GPC6: variants seen among roughly 807,000 people sequenced by gnomAD.
GPC6 encodes glypican-6.
A neutral mutation model predicts 55.2 loss-of-function variants in GPC6; 14 were observed. The ratio of observed to expected loss-of-function variants is 0.25; its 90% CI spans 0.17 to 0.40. The LOEUF (loss-of-function observed/expected upper bound fraction) is 0.40. Ranked by LOEUF, GPC6 falls within the 10% of genes least tolerant of loss-of-function variation. The pLI is 1.00. For synonymous variants in GPC6, 278 were observed against 259.6 expected (o/e 1.07, Z -0.68); for missense variants, 641 against 708.5 (o/e 0.90, Z 1.08).
intron 4 of GPC6, among the ~76,000 whole-genome samples, chr13:94,220,821 C>A (rs1338913750): frequency 6.6e-6 from 1 of 151,998 alleles, no homozygotes; most frequent in African/African-American, 2.4e-5. Flanking sequence ...AATTGGGGGC[C>A]CATAATACCC....
At chr13:93,490,489 A>ATTTTTTTTTTTTTTTT (rs1267006354) in intron 1 of GPC6, among the ~76,000 whole-genome samples, 1 of 13,200 alleles carries the variant, frequency 7.6e-5, no homozygotes, top group Non-Finnish European at 1.6e-4. Flanking sequence ...AACTTGAGTG[A>ATTTTTTTTTTTTTTTT]TTTTTTTTTC....
chr13:94,402,777 G>A (rs998948008), intron 8 of GPC6, among the ~76,000 whole-genome samples: 2 of 152,162 alleles, frequency 1.3e-5, no homozygotes, highest in African/African-American at 4.8e-5. Context: ...ACAGGAAAGA[G>A]AAGTGCCAAG....
At chr13:93,311,052 TTCACTGCCATTGTGTCA>T (rs983762416) in intron 1 of GPC6, among the ~76,000 whole-genome samples, 1 of 152,144 alleles carries the variant, frequency 6.6e-6, no homozygotes, top group Non-Finnish European at 1.5e-5. Flanking sequence ...TCTCAAAGGA[TTCACTGCCATTGTGTCA>T]TCACTGCCTG....
intron 6 of GPC6, among the ~76,000 whole-genome samples, chr13:94,347,565 AT>A (rs796571128): frequency 4.6e-5 from 7 of 152,182 alleles, no homozygotes; most frequent in Admixed American, 3.3e-4. Flanking sequence ...ATCCACTAGT[AT>A]TTTTTAAATC....
rs944998288 is a variant in GPC6 at position 94,040,258 on chromosome 13, C to T, written c.877+12364C>T. The stretch of plus-strand genomic sequence containing the variant: ...CTTCACTGGCAAGAATATCACAAAG[C>T]AGCCCCTTGCTTCATTGCATGTCCT... On this transcript the variant is annotated intron_variant, in intron 4 of 8. Coordinates refer to ENST00000377047, the MANE Select transcript of GPC6 (RefSeq NM_005708.5). Among the ~76,000 whole-genome samples, 53 of 151,752 alleles carry T rather than the reference C, an allele frequency of 3.5e-4. 1 individual carries two copies. Among genetic ancestry groups the T allele is most frequent in the Admixed American group, 3.4e-3 (52 of 15,192 alleles).
chr13:93,577,835 T>C (rs576330084), intron 2 of GPC6, among the ~76,000 whole-genome samples: 30 of 152,238 alleles, frequency 2.0e-4, no homozygotes, highest in African/African-American at 7.0e-4. Context: ...CAGTACGATG[T>C]TGGCTGTGGG....
intron 1 of GPC6, among the ~76,000 whole-genome samples, chr13:93,363,129 GT>G (rs937263059): frequency 7.2e-5 from 6 of 83,740 alleles, no homozygotes; most frequent in Non-Finnish European, 1.2e-4. Context: ...TTTTTTTTTT[GT>G]TTTTTTTAAA....
At chr13:93,472,241 A>G (rs1879145442) in intron 1 of GPC6, among the ~76,000 whole-genome samples, 1 of 152,222 alleles carries the variant, frequency 6.6e-6, no homozygotes, top group African/African-American at 2.4e-5. Flanking sequence ...TTTTCTGGCC[A>G]GAAACCTGTG....
intron 2 of GPC6, among the ~76,000 whole-genome samples, chr13:93,561,525 G>A: frequency 6.6e-6 from 1 of 150,906 alleles, no homozygotes; most frequent in Admixed American, 6.6e-5. Context: ...TTTCACATCC[G>A]CTAATAGGGC....
At chr13:93,873,531 A>G (rs545816858) in intron 3 of GPC6, among the ~76,000 whole-genome samples, 1 of 151,958 alleles carries the variant, frequency 6.6e-6, no homozygotes, top group Admixed American at 6.6e-5. Context: ...TGCTATTGGT[A>G]TCATTTGGGT....
At chr13:93,575,249 C>G (rs765784481) in intron 2 of GPC6, among the ~76,000 whole-genome samples, 3 of 152,066 alleles carry the variant, frequency 2.0e-5, no homozygotes, top group Non-Finnish European at 4.4e-5. Context: ...CAAGATTATA[C>G]CACTGCACTC....
intron 2 of GPC6, among the ~76,000 whole-genome samples, chr13:93,767,873 T>C (rs1034878462): frequency 6.6e-6 from 1 of 152,208 alleles, no homozygotes; most frequent in African/African-American, 2.4e-5. Context: ...GGATTCTTGT[T>C]GTTAAACAAA....
intron 2 of GPC6, among the ~76,000 whole-genome samples, chr13:93,744,987 C>T (rs1191665983): frequency 6.6e-6 from 1 of 151,826 alleles, no homozygotes; most frequent in Admixed American, 6.6e-5. Context: ...TCTCCATTTC[C>T]TCCTCTCCAC....
chr13:93,616,478 T>A (rs1157983889), intron 2 of GPC6, among the ~76,000 whole-genome samples: 1 of 152,096 alleles, frequency 6.6e-6, no homozygotes, highest in African/African-American at 2.4e-5. Context: ...AAAACACATC[T>A]GGTAGAAAAA....
chr13:94,349,528 C>T (rs1418665814), intron 6 of GPC6, among the ~76,000 whole-genome samples: 1 of 152,204 alleles, frequency 6.6e-6, no homozygotes, highest in Non-Finnish European at 1.5e-5. Flanking sequence ...GCATCAAGTT[C>T]AATGTCTCTA....
At chr13:93,457,170 GTCT>G (rs1351771840) in intron 1 of GPC6, among the ~76,000 whole-genome samples, 1 of 152,152 alleles carries the variant, frequency 6.6e-6, no homozygotes, top group East Asian at 1.9e-4. Context: ...TCTCAGGTAT[GTCT>G]TCATTAGTAG....
At chr13:93,480,158 C>A (rs1260047864) in intron 1 of GPC6, among the ~76,000 whole-genome samples, 2 of 152,092 alleles carry the variant, frequency 1.3e-5, no homozygotes, top group Admixed American at 6.6e-5. Context: ...CTCCAAGGGA[C>A]ATTAATGCTT....
In GPC6 at chr13:93,779,341, A is replaced by G. The variant is rs187900592; in HGVS notation, c.320-50813A>G. ...TTTACATCCAAAATAGCCTTCTAAC[A>G]TACTTGATGACAATCTAAATGAAGT... On this transcript the variant is annotated intron_variant, in intron 2 of 8. Transcript: ENST00000377047. Among the ~76,000 whole-genome samples the G allele has an allele frequency of 6.0e-4, 92 of 152,322 alleles. 1 individual carries two copies. In the Middle Eastern group the frequency reaches 0.014, roughly 23 times the overall value.
Position 93,227,295 on chromosome 13 carries a change from G to A in GPC6, c.-162G>A. The A allele has an allele frequency of 1.5e-6, 1 of 668,296 alleles. No individual in the cohort carries two copies. The highest frequency in any genetic ancestry group is 2.6e-6 in the Non-Finnish European group (1 of 386,030). 41.4% of individuals were successfully genotyped at this position (668,296 alleles called of 1,614,324 possible). ...GGCTTATAAAAGTTTGCTGAGCGCA[G>A]TCCAGAGGGCTGCGCTGCTCGTCCC... On this transcript the variant is annotated 5_prime_UTR_variant, in exon 1 of 9. Transcript: ENST00000377047. This position sits in a 1 kb window ranked among gnomAD's most constrained non-coding sequence, Gnocchi z 4.3.
Sources: gnomAD v4.1 joint callset for allele counts (sites outside exome capture counted in the v4.1 genomes callset) on GRCh38, gnomAD v4.1.1 for gene constraint, Gnocchi (gnomAD v3.1) non-coding constraint, MANE v1.5 for transcripts, NCBI Gene and HGNC (gene_info 2026-07-23, HGNC 2026-07-21) for gene names.